Variants in REPS1 observed in about 807,000 individuals in gnomAD.
REPS1 encodes ralBP1-associated Eps domain-containing protein 1.
REPS1 carries 39 observed loss-of-function variants against 100.9 expected under a neutral mutation model. The ratio of observed to expected loss-of-function variants is 0.39; its 90% CI spans 0.30 to 0.50. The LOEUF (loss-of-function observed/expected upper bound fraction) is 0.50, where lower values mean the gene tolerates loss of function less well. REPS1 is among the 20% of genes least tolerant of loss of function. The pLI is 0.86. For missense variants in REPS1, 821 were observed against 968.5 expected, an observed-to-expected ratio of 0.85 and a Z score of 2.02; for synonymous variants, 324 against 340.3, an observed-to-expected ratio of 0.95 and a Z score of 0.53.
intron 1 of REPS1, among the ~76,000 whole-genome samples, chr6:138,959,758 AT>A (rs138142195): frequency 0.029 from 4,344 of 152,310 alleles, 179 homozygotes; most frequent in African/African-American, 0.095. Flanking sequence ...AATCCTTGTA[AT>A]GAAGATTCAC....
chr6:138,963,659 TGAAGTACA>T, intron 1 of REPS1, among the ~76,000 whole-genome samples: 1 of 152,240 alleles, frequency 6.6e-6, no homozygotes, highest in East Asian at 1.9e-4. Context: ...TCTTCAGCAT[TGAAGTACA>T]CTGTTAGAAA....
intron 12 of REPS1, 138 bp from the exon 13 acceptor site, chr6:138,917,765 T>C: frequency 3.2e-6 from 2 of 632,386 alleles, no homozygotes; most frequent in Non-Finnish European, 5.5e-6. Flanking sequence ...CAGTTCATCC[T>C]AGTGTTATTA....
intron 15 of REPS1, among the ~76,000 whole-genome samples, chr6:138,913,587 G>A (rs1780158657): frequency 6.6e-6 from 1 of 152,206 alleles, no homozygotes; most frequent in Admixed American, 6.5e-5. Flanking sequence ...AATTAAAATA[G>A]AGTGTGAGAT....
At chr6:138,944,177 C>CAATAAT (rs1287578568) in intron 5 of REPS1, among the ~76,000 whole-genome samples, 162 bp from the exon 6 acceptor site, 1 of 152,122 alleles carries the variant, frequency 6.6e-6, no homozygotes, top group Non-Finnish European at 1.5e-5. Context: ...TATGTTTTTG[C>CAATAAT]ACAATGATTA....
intron 2 of REPS1, among the ~76,000 whole-genome samples, chr6:138,945,935 C>T (rs1236050737): frequency 1.3e-5 from 2 of 152,130 alleles, no homozygotes; most frequent in African/African-American, 4.8e-5. Context: ...ATAACAATGG[C>T]TACATCAAAT....
intron 1 of REPS1, among the ~76,000 whole-genome samples, chr6:138,957,039 C>CA (rs57271374): frequency 0.01 from 1,512 of 145,838 alleles, 19 homozygotes; most frequent in African/African-American, 0.032. Context: ...TAGAAAAATA[C>CA]AAAAAAAAAA....
At chr6:138,911,053 G>A in intron 17 of REPS1, 1 of 427,532 alleles carries the variant, frequency 2.3e-6, no homozygotes, top group South Asian at 3.7e-5. Context: ...TGGGAAGAAT[G>A]CAATAACCAC....
intron 10 of REPS1, among the ~76,000 whole-genome samples, 187 bp downstream of exon 10, chr6:138,926,214 A>T (rs943608243): frequency 3.9e-5 from 6 of 152,188 alleles, no homozygotes; most frequent in Admixed American, 2.6e-4. Flanking sequence ...CTCTCAACAA[A>T]ATAACTAGAA....
chr6:138,970,971 T>G (rs550971836), intron 1 of REPS1, among the ~76,000 whole-genome samples: 2 of 152,176 alleles, frequency 1.3e-5, no homozygotes, highest in Non-Finnish European at 2.9e-5. Context: ...AGGAACATTA[T>G]GTAGAAAATA....
At chr6:138,905,607 A>G (rs1489500643) in intron 19 of REPS1, among the ~76,000 whole-genome samples, 1 of 152,234 alleles carries the variant, frequency 6.6e-6, no homozygotes, top group African/African-American at 2.4e-5. Context: ...TAGTCTCTTT[A>G]TATGTTTAAT....
At chr6:138,908,055 C>T (rs138015581) in intron 18 of REPS1, among the ~76,000 whole-genome samples, 1 of 152,204 alleles carries the variant, frequency 6.6e-6, no homozygotes, top group South Asian at 2.1e-4. Flanking sequence ...CTGAATTTGG[C>T]CCATTAAGAC....
intron 1 of REPS1, among the ~76,000 whole-genome samples, chr6:138,954,350 T>G (rs113808792): frequency 1.3e-3 from 191 of 152,132 alleles, no homozygotes; most frequent in African/African-American, 4.2e-3. Flanking sequence ...TGATAAAATG[T>G]TTGAGATGAT....
intron 1 of REPS1, among the ~76,000 whole-genome samples, chr6:138,956,356 A>G (rs1345557739): frequency 1.3e-5 from 2 of 152,100 alleles, no homozygotes; most frequent in East Asian, 3.9e-4. Context: ...CAAAATCCAG[A>G]GACTCACCCA....
At chr6:138,974,356 C>T (rs1784488100) in intron 1 of REPS1, among the ~76,000 whole-genome samples, 1 of 152,194 alleles carries the variant, frequency 6.6e-6, no homozygotes, top group Middle Eastern at 3.4e-3. Context: ...AAATGAGATC[C>T]TGTGTTACAT....
Position 138,915,910 on chromosome 6 carries a change from A to G in REPS1, c.1668T>C (p.Ser556=). ...TATCTAAAGATGATGATCTAGAATGAGAGGGCTGTGGCCTTGGAGGGGGAG... is the reference window on the plus strand; with the variant it reads ...TATCTAAAGATGATGATCTAGAATGGGAGGGCTGTGGCCTTGGAGGGGGAG... ...PPPPPPRPQP[S]HSRSSSLDMN... Residue 556 remains serine, a synonymous_variant, in exon 14 of 20, where the codon TCT becomes TCC. Coordinates refer to ENST00000450536, the MANE Select transcript of REPS1 (RefSeq NM_001286611.2). 1 of 1,614,044 alleles carries G rather than the reference A, an allele frequency of 6.2e-7. No homozygotes were observed. The highest frequency in any genetic ancestry group is 8.5e-7 in the Non-Finnish European group (1 of 1,179,938).
chr6:138,983,312 T>C (rs1349236418), intron 1 of REPS1, among the ~76,000 whole-genome samples: 1 of 151,444 alleles, frequency 6.6e-6, no homozygotes, highest in Non-Finnish European at 1.5e-5. Flanking sequence ...ATTAGCCGAG[T>C]GTGGTGGTGG....
chr6:138,963,604 C>T (rs1783858711), intron 1 of REPS1, among the ~76,000 whole-genome samples: 1 of 152,108 alleles, frequency 6.6e-6, no homozygotes, highest in South Asian at 2.1e-4. Flanking sequence ...TTTGCTTTGT[C>T]CAAGTGGTTT....
At chr6:138,965,798 AAGG>A (rs1450189413) in intron 1 of REPS1, among the ~76,000 whole-genome samples, 1 of 152,224 alleles carries the variant, frequency 6.6e-6, no homozygotes. Context: ...TGTTTTGATT[AAGG>A]AGTAGTATTT....
intron 16 of REPS1, 93 bp from the exon 17 acceptor site, chr6:138,911,464 A>G: frequency 3.5e-6 from 3 of 854,030 alleles, no homozygotes; most frequent in Non-Finnish European, 5.6e-6. Context: ...AAAATGTTAA[A>G]TATTCTGACA....
Sources: gnomAD v4.1 joint callset for allele counts (sites outside exome capture counted in the v4.1 genomes callset) on GRCh38, gnomAD v4.1.1 for gene constraint, MANE v1.5 for transcripts, NCBI Gene and HGNC (gene_info 2026-07-23, HGNC 2026-07-21) for gene names.